PCDH9: variants seen among roughly 807,000 people sequenced by gnomAD.
PCDH9 encodes the protein protocadherin-9.
In PCDH9, 24 loss-of-function variants were observed where a neutral mutation model predicts 70.6. That is an observed-to-expected ratio of 0.34 (90% confidence interval 0.25 to 0.48). The LOEUF (loss-of-function observed/expected upper bound fraction) is 0.48. Ranked by LOEUF, PCDH9 falls within the 20% of genes least tolerant of loss-of-function variation. PCDH9 has a pLI of 0.99. For missense variants in PCDH9, 1,281 were observed against 1,503.6 expected, an observed-to-expected ratio of 0.85 and a Z score of 2.45; for synonymous variants, 562 against 558.5, an observed-to-expected ratio of 1.01 and a Z score of -0.09.
chr13:67,005,900 T>C (rs1288453478), intron 2 of PCDH9, among the ~76,000 whole-genome samples: 1 of 152,138 alleles, frequency 6.6e-6, no homozygotes, highest in African/African-American at 2.4e-5. Flanking sequence ...TCTAAAAAGC[T>C]GTGGTAGGCA....
At chr13:66,560,872 A>G (rs1485223097) in intron 4 of PCDH9, among the ~76,000 whole-genome samples, 1 of 152,226 alleles carries the variant, frequency 6.6e-6, no homozygotes, top group Non-Finnish European at 1.5e-5. Context: ...CATGTAAGTC[A>G]TATAAAGGAC....
intron 4 of PCDH9, among the ~76,000 whole-genome samples, chr13:66,520,283 G>T (rs12867615): frequency 5.9e-4 from 90 of 151,936 alleles, no homozygotes; most frequent in African/African-American, 2.0e-3. Context: ...TTTTTTTTCC[G>T]CTATTTCATT....
intron 4 of PCDH9, among the ~76,000 whole-genome samples, chr13:66,623,399 T>A (rs2077456164): frequency 6.6e-6 from 1 of 152,196 alleles, no homozygotes; most frequent in South Asian, 2.1e-4. Context: ...CCTGAGTTCA[T>A]ATTTTGGGGC....
intron 2 of PCDH9, among the ~76,000 whole-genome samples, chr13:66,926,949 T>G (rs772321777): frequency 3.9e-5 from 6 of 152,082 alleles, no homozygotes; most frequent in Non-Finnish European, 5.9e-5. Context: ...AGGGAAGTCT[T>G]AGAATAACAT....
intron 2 of PCDH9, among the ~76,000 whole-genome samples, chr13:66,959,628 G>T (rs368397557): frequency 6.4e-4 from 97 of 151,856 alleles, no homozygotes; most frequent in African/African-American, 2.1e-3. Flanking sequence ...GCACACACTT[G>T]TAGTTCCAGC....
chr13:66,869,612 G>T (rs1399667460), intron 3 of PCDH9, among the ~76,000 whole-genome samples: 1 of 152,038 alleles, frequency 6.6e-6, no homozygotes, highest in Non-Finnish European at 1.5e-5. Context: ...TAATATTGAT[G>T]CAAAAATCTG....
intron 3 of PCDH9, among the ~76,000 whole-genome samples, chr13:66,698,317 A>G (rs571161236): frequency 6.6e-6 from 1 of 152,328 alleles, no homozygotes; most frequent in South Asian, 2.1e-4. Flanking sequence ...ATACCTCTGA[A>G]TATTGCTAAA....
rs150709677 is a variant in PCDH9 at position 66,631,395 on chromosome 13, G to A, written c.3155C>T (p.Thr1052Met). 1.3e-5 allele frequency: 21 copies of A among 1,607,124 alleles called. No homozygotes were observed. Among genetic ancestry groups the A allele is most frequent in the Middle Eastern group, 3.3e-4 (2 of 6,064 alleles). Residue 1052 changes from threonine (T) to methionine (M), a missense_variant, in exon 4 of 5, where the codon ACG (threonine) becomes ATG (methionine). Transcript: ENST00000377865. ...ESHYESQRRV[T>M]FHLPDGSQES... ...CTGGGAGCCATCAGGGAGATGAAAC[G>A]TAACACGGCGCTGCGACTACAAAGA...
chr13:66,449,825 T>C (rs1958169971), intron 4 of PCDH9, among the ~76,000 whole-genome samples: 1 of 152,140 alleles, frequency 6.6e-6, no homozygotes, highest in Admixed American at 6.5e-5. Flanking sequence ...ATATTATGCA[T>C]CCGTACTAAT....
chr13:66,575,257 T>C (rs2076798057), intron 4 of PCDH9, among the ~76,000 whole-genome samples: 1 of 152,100 alleles, frequency 6.6e-6, no homozygotes, highest in Non-Finnish European at 1.5e-5. Flanking sequence ...AGTCCTAGCT[T>C]TCTTCTGTTT....
intron 3 of PCDH9, among the ~76,000 whole-genome samples, chr13:66,816,722 A>G (rs1190999993): frequency 6.6e-6 from 1 of 152,134 alleles, no homozygotes; most frequent in Non-Finnish European, 1.5e-5. Flanking sequence ...AGAGTTCGAG[A>G]CCAGTGTGAC....
chr13:66,653,596 C>A (rs984514398), intron 3 of PCDH9, among the ~76,000 whole-genome samples: 1 of 152,080 alleles, frequency 6.6e-6, no homozygotes, highest in Non-Finnish European at 1.5e-5. Context: ...CTATGGAGAA[C>A]AGTTTGGAGG....
chr13:67,191,521 G>A (rs12857493), intron 2 of PCDH9, among the ~76,000 whole-genome samples: 71,487 of 151,774 alleles, frequency 0.47, 17,550 homozygotes, highest in Middle Eastern at 0.64. Flanking sequence ...ATATAATCTC[G>A]TATAAAGTTA....
At chr13:66,763,700 C>T (rs1032520806) in intron 3 of PCDH9, among the ~76,000 whole-genome samples, 4 of 152,036 alleles carry the variant, frequency 2.6e-5, no homozygotes, top group African/African-American at 7.3e-5. Flanking sequence ...AGTCAGCACA[C>T]GCAGTTTATA....
chr13:66,776,136 A>T (rs886901777), intron 3 of PCDH9, among the ~76,000 whole-genome samples: 9 of 152,064 alleles, frequency 5.9e-5, no homozygotes, highest in Admixed American at 5.9e-4. Flanking sequence ...TCTCAAAATA[A>T]TAAGAGCTAT....
At chr13:66,515,971 A>T (rs1959713242) in intron 4 of PCDH9, among the ~76,000 whole-genome samples, 1 of 152,010 alleles carries the variant, frequency 6.6e-6, no homozygotes, top group East Asian at 1.9e-4. Flanking sequence ...TTTACAAGGG[A>T]ACATCTTTCT....
In PCDH9 at chr13:67,050,486, C is replaced by A. The variant is rs145427257; in HGVS notation, c.3037-146881G>T. ...GAAGCACTAATAATTATGTTCTTGGCATGCTCATGTTAATTAAACCTAAGC... is the reference window on the plus strand; with the variant it reads ...GAAGCACTAATAATTATGTTCTTGGAATGCTCATGTTAATTAAACCTAAGC... On this transcript the variant is annotated intron_variant, in intron 2 of 4. Transcript: ENST00000377865. Among the ~76,000 whole-genome samples the A allele has an allele frequency of 7.2e-3, 1,090 of 152,254 alleles. 10 individuals are homozygous for A. The highest frequency in any genetic ancestry group is 0.025 in the African/African-American group (1,024 of 41,534).
intron 3 of PCDH9, among the ~76,000 whole-genome samples, chr13:66,854,934 T>A (rs986000910): frequency 1.3e-5 from 2 of 152,048 alleles, no homozygotes; most frequent in African/African-American, 4.8e-5. Flanking sequence ...AATCTTTATC[T>A]CCCCTAGGAG....
intron 2 of PCDH9, among the ~76,000 whole-genome samples, chr13:67,102,221 C>T (rs1160705011): frequency 6.6e-6 from 1 of 152,080 alleles, no homozygotes; most frequent in Non-Finnish European, 1.5e-5. Flanking sequence ...GACCTCAGAT[C>T]CCTTGATTCT....
Sources: allele counts gnomAD v4.1 joint callset (sites outside exome capture counted in the v4.1 genomes callset), GRCh38; gene constraint gnomAD v4.1.1; transcripts MANE v1.5; gene names NCBI Gene and HGNC (gene_info 2026-07-23, HGNC 2026-07-21).